The following ZNF609 variants were observed in gnomAD, a reference collection of about 807,000 sequenced individuals.
ZNF609 encodes zinc finger protein 609.
ZNF609 carries 11 observed loss-of-function variants against 109.5 expected under a neutral mutation model. The observed-to-expected ratio is 0.10, with a 90% confidence interval of 0.06 to 0.17. The LOEUF is 0.17. ZNF609 is among the 10% of genes least tolerant of loss of function. The pLI is 1.00. For missense variants in ZNF609, 1,559 were observed against 1,772.4 expected, an observed-to-expected ratio of 0.88 and a Z score of 2.16; for synonymous variants, 646 against 662.0, an observed-to-expected ratio of 0.98 and a Z score of 0.37.
rs146522359 is a variant in ZNF609 at position 64,678,297 on chromosome 15, C to A, written c.3584C>A (p.Thr1195Lys). The change falls in exon 6 of 10, where the codon ACG becomes AAG. Residue 1195 changes from threonine to lysine, a missense_variant. Thr to Lys is a moderately conservative substitution (Grantham distance 78, BLOSUM62 -1). Coordinates refer to ENST00000326648, the MANE Select transcript of ZNF609 (RefSeq NM_015042.2). ...ACAAGTAGTGACTGCAAGCTGCCCACGTCAGAGGAGTCTCGCCTTGGGAGC... is the reference window on the plus strand; with the variant it reads ...ACAAGTAGTGACTGCAAGCTGCCCAAGTCAGAGGAGTCTCGCCTTGGGAGC... ...ESTSSDCKLP[T>K]SEESRLGSKE... 10 of 1,614,172 alleles carry A rather than the reference C, an allele frequency of 6.2e-6. No individual in the cohort carries two copies. Among genetic ancestry groups the A allele is most frequent in the Non-Finnish European group, 8.5e-6 (10 of 1,180,028 alleles).
intron 2 of ZNF609, among the ~76,000 whole-genome samples, chr15:64,547,761 C>G (rs901838676): frequency 1.3e-5 from 2 of 150,996 alleles, no homozygotes; most frequent in African/African-American, 4.9e-5. Context: ...AATAAACAAA[C>G]AAAAAAACTC....
At position 64,478,610 on chromosome 15, in the gene ZNF609, T is replaced by C. The variant is rs573384523; in HGVS notation, c.-128+17772T>C. 2.6e-5 allele frequency among the ~76,000 whole-genome samples: 4 copies of C among 152,200 alleles called. No individual in the cohort carries two copies. In the South Asian group the frequency reaches 8.3e-4, roughly 32 times the overall value. On this transcript the variant is annotated intron_variant, in intron 1 of 9. Coordinates refer to ENST00000326648, the MANE Select transcript of ZNF609 (RefSeq NM_015042.2). ...CCAGGCTGGACTCAAACTCCTGACCTCAAGTGATCCCCCACTTCCCAGACT... is the reference window on the plus strand; with the variant it reads ...CCAGGCTGGACTCAAACTCCTGACCCCAAGTGATCCCCCACTTCCCAGACT...
At chr15:64,578,617 C>G (rs58756646) in intron 2 of ZNF609, among the ~76,000 whole-genome samples, 7,033 of 152,098 alleles carry the variant, frequency 0.046, 539 homozygotes, top group African/African-American at 0.16. Context: ...AGCTTGAACC[C>G]GGGAGGTGGA....
chr15:64,487,460 A>G (rs1369855615), intron 1 of ZNF609, among the ~76,000 whole-genome samples: 1 of 152,184 alleles, frequency 6.6e-6, no homozygotes, highest in Non-Finnish European at 1.5e-5. Context: ...CCATGTGTAT[A>G]CAGATATGTA....
intron 3 of ZNF609, among the ~76,000 whole-genome samples, chr15:64,655,524 A>G (rs1379963527): frequency 1.3e-5 from 2 of 151,936 alleles, no homozygotes; most frequent in Non-Finnish European, 2.9e-5. Flanking sequence ...TATATAATAT[A>G]CATTTATAAG....
At chr15:64,632,608 A>G (rs1896101802) in intron 3 of ZNF609, among the ~76,000 whole-genome samples, 1 of 151,742 alleles carries the variant, frequency 6.6e-6, no homozygotes. Context: ...CAGCCTCCCA[A>G]GTAGCTGGAA....
chr15:64,510,118 G>A (rs752694980), intron 2 of ZNF609, among the ~76,000 whole-genome samples: 16 of 151,972 alleles, frequency 1.1e-4, no homozygotes, highest in Non-Finnish European at 2.2e-4. Context: ...CACAAAGAGG[G>A]TGAGTACAGT....
At chr15:64,520,634 T>C (rs1040330385) in intron 2 of ZNF609, among the ~76,000 whole-genome samples, 18 of 152,300 alleles carry the variant, frequency 1.2e-4, no homozygotes, top group African/African-American at 3.4e-4. Flanking sequence ...ATATTTTTTT[T>C]CCCACACGTT....
chr15:64,605,454 A>C (rs1293198930), intron 2 of ZNF609, among the ~76,000 whole-genome samples: 1 of 152,198 alleles, frequency 6.6e-6, no homozygotes, highest in Non-Finnish European at 1.5e-5. Flanking sequence ...AGAGATTAAC[A>C]ATGTTGCAAG....
intron 2 of ZNF609, chr15:64,528,994 T>C: frequency 6.6e-7 from 1 of 1,511,816 alleles, no homozygotes; most frequent in Non-Finnish European, 9.1e-7. Context: ...GCCAGTGAGC[T>C]TCCCGTTCAG....
rs540033727 is a variant in ZNF609 at position 64,603,270 on chromosome 15, A to ATT, written c.748-19541_748-19540dup. Among the ~76,000 whole-genome samples, 323 of 125,834 alleles carry ATT rather than the reference A, an allele frequency of 2.6e-3. 2 individuals are homozygous for ATT. The highest frequency in any genetic ancestry group is 8.7e-3 in the African/African-American group (296 of 34,218). 82.6% of individuals were successfully genotyped at this position (125,834 alleles called of 152,430 possible). On this transcript the variant is annotated intron_variant, in intron 2 of 9. Transcript: ENST00000326648. Reference sequence around the variant, plus strand: ...TGACTTGAGTCAGTCACTGAGTCCTATTTTTTTTTTTTTTTTTGAGATAGA... The same window carrying ATT: ...TGACTTGAGTCAGTCACTGAGTCCTATTTTTTTTTTTTTTTTTTTGAGATAGA...
chr15:64,681,652 A>G, intron 9 of ZNF609, 40 bp from the exon 10 acceptor site: 1 of 367,792 alleles, frequency 2.7e-6, no homozygotes, highest in Non-Finnish European at 5.0e-6. Flanking sequence ...TTTTACCAAC[A>G]GGCTGAGTGC....
chr15:64,591,474 G>A (rs1449311783), intron 2 of ZNF609, among the ~76,000 whole-genome samples: 1 of 151,924 alleles, frequency 6.6e-6, no homozygotes, highest in African/African-American at 2.4e-5. Flanking sequence ...TCAACAAAGC[G>A]AGACCCTGTC....
At chr15:64,572,647 C>T (rs958172346) in intron 2 of ZNF609, among the ~76,000 whole-genome samples, 2 of 152,086 alleles carry the variant, frequency 1.3e-5, no homozygotes, top group African/African-American at 4.8e-5. Context: ...AACCCCAGCA[C>T]TTTGGGAGGC....
At chr15:64,462,845 T>C (rs2140324958) in intron 1 of ZNF609, among the ~76,000 whole-genome samples, 1 of 152,220 alleles carries the variant, frequency 6.6e-6, no homozygotes, top group East Asian at 1.9e-4. Context: ...TTTGAAAAAA[T>C]GTATGGGTCT....
intron 1 of ZNF609, among the ~76,000 whole-genome samples, chr15:64,498,570 A>G (rs1390608510): frequency 6.6e-6 from 1 of 152,194 alleles, no homozygotes; most frequent in African/African-American, 2.4e-5. Context: ...TTTAGTGGGA[A>G]GTGGGAAAGG....
At chr15:64,580,952 C>CTTATTTTTTTTTTTT (rs1895091546) in intron 2 of ZNF609, among the ~76,000 whole-genome samples, 1 of 80,870 alleles carries the variant, frequency 1.2e-5, no homozygotes, top group African/African-American at 5.1e-5. Flanking sequence ...TCTTCAATGT[C>CTTATTTTTTTTTTTT]TTCTTTTTTT....
At chr15:64,512,273 C>A (rs200308255) in intron 2 of ZNF609, among the ~76,000 whole-genome samples, 1 of 152,004 alleles carries the variant, frequency 6.6e-6, no homozygotes, top group African/African-American at 2.4e-5. Context: ...ATTATTGTTC[C>A]AGAATTTTTA....
chr15:64,628,337 A>G (rs765156286), intron 3 of ZNF609, among the ~76,000 whole-genome samples: 1 of 151,848 alleles, frequency 6.6e-6, no homozygotes, highest in African/African-American at 2.4e-5. Flanking sequence ...GCATGGATCC[A>G]ACACTGGTTG....
Sources: allele counts gnomAD v4.1 joint callset (sites outside exome capture counted in the v4.1 genomes callset), GRCh38; gene constraint gnomAD v4.1.1; transcripts MANE v1.5; gene names NCBI Gene and HGNC (gene_info 2026-07-23, HGNC 2026-07-21).